BTN1A1: variants seen among roughly 807,000 people sequenced by gnomAD.
BTN1A1 encodes the protein butyrophilin subfamily 1 member A1.
A neutral mutation model predicts 33.1 loss-of-function variants in BTN1A1; 26 were observed. That is an observed-to-expected ratio of 0.79 (90% CI 0.58 to 1.09). The LOEUF is 1.09. Among genes scored for constraint, BTN1A1 ranks in the 50% least tolerant of loss-of-function variants. BTN1A1 has a pLI of 0.00. For missense variants in BTN1A1, 558 were observed against 655.7 expected, an observed-to-expected ratio of 0.85 and a Z score of 1.63; for synonymous variants, 235 against 256.2, an observed-to-expected ratio of 0.92 and a Z score of 0.79.
chr6:26,501,795 G>A lies in BTN1A1; in HGVS notation c.285G>A (p.Ala95=), dbSNP rs757705459. ...AGATGCCCGAGTACCGCGGGCGGGC[G>A]ACGCTGGTCCAGGACGGCATCGCCA... The part of the protein sequence containing the change: ...AEQMPEYRGR[A]TLVQDGIAKG... The change falls in exon 3 of 8, where the codon GCG becomes GCA. Residue 95 remains alanine, a synonymous_variant. Coordinates refer to ENST00000684113, the MANE Select transcript of BTN1A1 (RefSeq NM_001732.3). This position sits in a 1 kb window ranked among gnomAD's most constrained non-coding sequence, Gnocchi z 5.2. 4 of 1,613,460 alleles carry A rather than the reference G, an allele frequency of 2.5e-6. No individual in the cohort carries two copies. The highest frequency in any genetic ancestry group is 3.4e-6 in the Non-Finnish European group (4 of 1,179,912).
chr6:26,505,582 G>A (rs1285685361), intron 4 of BTN1A1, among the ~76,000 whole-genome samples: 1 of 152,082 alleles, frequency 6.6e-6, no homozygotes, highest in Non-Finnish European at 1.5e-5. Flanking sequence ...ACACCACCGT[G>A]CCCAACTAAT....
chr6:26,507,410 C>G (rs542852329), intron 5 of BTN1A1, among the ~76,000 whole-genome samples: 2 of 152,186 alleles, frequency 1.3e-5, no homozygotes, highest in Non-Finnish European at 2.9e-5. Context: ...AACTCAATTG[C>G]CCAGTACCAA....
chr6:26,506,588 G>GC (rs1327960897), intron 4 of BTN1A1, 95 bp from the exon 5 acceptor site: 6 of 1,346,204 alleles, frequency 4.5e-6, no homozygotes, highest in Non-Finnish European at 6.2e-6. Flanking sequence ...AGTGGTCCAG[G>GC]CCATCACCTC....
intron 7 of BTN1A1, 133 bp downstream of exon 7, chr6:26,508,220 C>G (rs1372149675): frequency 8.3e-7 from 1 of 1,211,426 alleles, no homozygotes; most frequent in African/African-American, 1.5e-5. Flanking sequence ...TGACAGATGG[C>G]CTCAACAGTT....
intron 3 of BTN1A1, among the ~76,000 whole-genome samples, chr6:26,503,383 G>T (rs768589581): frequency 1.3e-5 from 2 of 150,956 alleles, no homozygotes; most frequent in African/African-American, 2.4e-5. Flanking sequence ...AAGGAAAATC[G>T]CTTGAACCTG....
chr6:26,502,809 G>A (rs953716430), intron 3 of BTN1A1, among the ~76,000 whole-genome samples: 6 of 152,110 alleles, frequency 3.9e-5, no homozygotes, highest in Non-Finnish European at 8.8e-5. Flanking sequence ...AGAGCATGGC[G>A]GTTTGTCACA....
chr6:26,508,176 A>C, intron 7 of BTN1A1, 89 bp downstream of exon 7: 1 of 1,417,006 alleles, frequency 7.1e-7, no homozygotes, highest in Non-Finnish European at 9.6e-7. Context: ...AAACACTAAC[A>C]CTTTAGTGAT....
chr6:26,509,112 A>C lies in BTN1A1; in HGVS notation c.1519A>C (p.Arg507=). The C allele has an allele frequency of 6.2e-7, 1 of 1,613,934 alleles. No individual in the cohort carries two copies. Among genetic ancestry groups the C allele is most frequent in the Non-Finnish European group, 8.5e-7 (1 of 1,179,870 alleles). Residue 507 remains arginine (R), a synonymous_variant, in exon 8 of 8, where the codon AGG becomes CGG. Transcript: ENST00000684113. ...CCCCATGGGGGAGGACTCTGCCCCTAGGGATGCAGACACTCTCCATTCTAA... is the reference window on the plus strand; with the variant it reads ...CCCCATGGGGGAGGACTCTGCCCCTCGGGATGCAGACACTCTCCATTCTAA... ...LSPMGEDSAP[R]DADTLHSKLI...
intron 4 of BTN1A1, among the ~76,000 whole-genome samples, chr6:26,505,781 T>C (rs1763860914): frequency 1.3e-5 from 2 of 151,906 alleles, no homozygotes; most frequent in South Asian, 4.2e-4. Context: ...GCTTTGTCCC[T>C]GGAGGCCTTC....
At chr6:26,507,150 G>A (rs1433406335) in intron 5 of BTN1A1, among the ~76,000 whole-genome samples, 1 of 152,152 alleles carries the variant, frequency 6.6e-6, no homozygotes, top group Non-Finnish European at 1.5e-5. Context: ...GAACCCAGGA[G>A]GTGGAGGTTG....
intron 3 of BTN1A1, among the ~76,000 whole-genome samples, chr6:26,504,510 C>T (rs1050720760): frequency 3.3e-5 from 5 of 151,092 alleles, no homozygotes; most frequent in African/African-American, 9.7e-5. Context: ...TTTTTAGAAA[C>T]AGCATTTCAC....
Position 26,508,657 on chromosome 6 carries a change from C to T in BTN1A1, c.1064C>T (p.Ser355Leu). The part of the protein sequence containing the change: ...PCVLGRETFT[S>L]GRHYWEVEVG... ...GTGTTGGGCCGTGAGACCTTCACCT[C>T]AGGAAGGCATTACTGGGAGGTGGAG... The change falls in exon 8 of 8, where the codon TCA becomes TTA. Residue 355 changes from serine to leucine, a missense_variant. Physicochemically the swap from Ser to Leu is moderately radical, Grantham distance 145. Coordinates refer to ENST00000684113, the MANE Select transcript of BTN1A1 (RefSeq NM_001732.3). The T allele has an allele frequency of 1.2e-6, 2 of 1,614,160 alleles. No homozygotes were observed. Among genetic ancestry groups the T allele is most frequent in the Non-Finnish European group, 8.5e-7 (1 of 1,180,030 alleles).
intron 3 of BTN1A1, among the ~76,000 whole-genome samples, chr6:26,503,515 G>T (rs895617274): frequency 6.6e-6 from 1 of 150,936 alleles, no homozygotes; most frequent in African/African-American, 2.4e-5. Context: ...TATGAGAAAT[G>T]ACCTCGCCAA....
chr6:26,505,332 A>G, intron 4 of BTN1A1, 126 bp downstream of exon 4: 1 of 982,954 alleles, frequency 1.0e-6, no homozygotes, highest in Non-Finnish European at 1.5e-6. Context: ...GCTCTTTTCC[A>G]GTGACTTAAG....
Position 26,504,968 on chromosome 6 carries a change from T to A in BTN1A1, c.471T>A (p.Asn157Lys), listed in dbSNP as rs757404083. The change falls in exon 4 of 8, where the codon AAT (asparagine) becomes AAA (lysine). Residue 157 changes from asparagine to lysine, a missense_variant. Asn to Lys is a moderately conservative substitution (Grantham distance 94, BLOSUM62 0). Transcript: ENST00000684113. ...ACATCAGTATGCAAGTTCAAGAGAATGGAGAAATCTGTCTGGAGTGCACCT... is the reference window on the plus strand; with the variant it reads ...ACATCAGTATGCAAGTTCAAGAGAAAGGAGAAATCTGTCTGGAGTGCACCT... ...DPHISMQVQE[N>K]GEICLECTSV... 1 of 1,614,036 alleles carries A rather than the reference T, an allele frequency of 6.2e-7. No homozygotes were observed. Among genetic ancestry groups the A allele is most frequent in the African/African-American group, 1.3e-5 (1 of 74,906 alleles).
chr6:26,502,079 C>T lies in BTN1A1; in HGVS notation c.427+142C>T, dbSNP rs1242204745. ...CGCCGGGGAGGGACGACTATCTGGG[C>T]GGGAGGCGAGGGGGGGTAAAAGAAT... is the stretch of plus-strand genomic sequence containing the variant. On this transcript the variant is annotated intron_variant, in intron 3 of 7. Transcript: ENST00000684113. 4.7e-6 allele frequency: 6 copies of T among 1,267,374 alleles called. No individual in the cohort carries two copies. The East Asian group carries it at 1.1e-4, about 23-fold the overall frequency. 78.5% of individuals were successfully genotyped at this position (1,267,374 alleles called of 1,614,324 possible).
Position 26,501,726 on chromosome 6 carries a change from G to T in BTN1A1, c.216G>T (p.Pro72=). 1 of 1,613,896 alleles carries T rather than the reference G, an allele frequency of 6.2e-7. No individual in the cohort carries two copies. Among genetic ancestry groups the T allele is most frequent in the Non-Finnish European group, 8.5e-7 (1 of 1,180,022 alleles). ...ELRWFRKKVS[P]AVLVHRDGRE... is the part of the protein sequence containing the mutation. ...GCTGGTTCCGAAAGAAGGTTTCGCCGGCCGTGCTGGTGCATAGGGACGGGC... is the reference window on the plus strand; with the variant it reads ...GCTGGTTCCGAAAGAAGGTTTCGCCTGCCGTGCTGGTGCATAGGGACGGGC... Residue 72 remains proline (P), a synonymous_variant, in exon 3 of 8, where the codon CCG becomes CCT. Transcript: ENST00000684113. This position sits in a 1 kb window ranked among gnomAD's most constrained non-coding sequence, Gnocchi z 5.2.
rs1763873841 is a variant in BTN1A1, at chr6:26,506,660, CCTT to C, written c.710-19_710-17del. 1 of 1,611,920 alleles carries C rather than the reference CCTT, an allele frequency of 6.2e-7. No individual in the cohort carries two copies. The highest frequency in any genetic ancestry group is 1.1e-5 in the South Asian group (1 of 90,886). On this transcript the variant is annotated intron_variant, in intron 4 of 7. Coordinates refer to ENST00000684113, the MANE Select transcript of BTN1A1 (RefSeq NM_001732.3). ...TTGCTCAGAATTTCTCAACTAATGTCCTTCTTGGGGATTTTGTTTTAGCTTCCT... is the reference window on the plus strand; with the variant it reads ...TTGCTCAGAATTTCTCAACTAATGTCCTTGGGGATTTTGTTTTAGCTTCCT...
intron 5 of BTN1A1, among the ~76,000 whole-genome samples, chr6:26,507,510 GAGGCCAGGAGTTCA>G (rs1763886328): frequency 6.6e-6 from 1 of 152,064 alleles, no homozygotes; most frequent in African/African-American, 2.4e-5. Context: ...TGGAACACAT[GAGGCCAGGAGTTCA>G]AGACCAGACT....
Sources: allele counts gnomAD v4.1 joint callset (sites outside exome capture counted in the v4.1 genomes callset), GRCh38; gene constraint gnomAD v4.1.1; non-coding constraint Gnocchi (gnomAD v3.1); transcripts MANE v1.5; gene names NCBI Gene and HGNC (gene_info 2026-07-23, HGNC 2026-07-21).